Variants in DACH1 observed in about 807,000 individuals in gnomAD.
DACH1 encodes the protein dachshund homolog 1.
In DACH1, 12 loss-of-function variants were observed where a neutral mutation model predicts 54.2. The ratio of observed to expected loss-of-function variants is 0.22; its 90% CI spans 0.14 to 0.36. The LOEUF is 0.36. Ranked by LOEUF, DACH1 falls within the 10% of genes least tolerant of loss-of-function variation. DACH1 has a pLI of 1.00. For synonymous variants in DACH1, 386 were observed against 366.2 expected (o/e 1.05, Z -0.62); for missense variants, 805 against 929.8 (o/e 0.87, Z 1.75).
chr13:71,815,381 T>C (rs2138162630), intron 1 of DACH1, among the ~76,000 whole-genome samples: 1 of 152,212 alleles, frequency 6.6e-6, no homozygotes, highest in Non-Finnish European at 1.5e-5. Flanking sequence ...GTGTTATTCA[T>C]TATTACCATT....
At chr13:71,606,190 A>G (rs1417165949) in intron 3 of DACH1, among the ~76,000 whole-genome samples, 1 of 152,080 alleles carries the variant, frequency 6.6e-6, no homozygotes, top group Non-Finnish European at 1.5e-5. Flanking sequence ...ACACACATCT[A>G]CATCTATTTA....
chr13:71,723,068 C>G (rs968633286), intron 1 of DACH1, among the ~76,000 whole-genome samples: 29 of 151,958 alleles, frequency 1.9e-4, no homozygotes, highest in African/African-American at 7.0e-4. Flanking sequence ...AACCAGAAAC[C>G]GTTGTACATT....
intron 2 of DACH1, among the ~76,000 whole-genome samples, chr13:71,635,480 AG>A (rs1877418321): frequency 6.6e-6 from 1 of 152,202 alleles, no homozygotes; most frequent in Non-Finnish European, 1.5e-5. Context: ...TCCCAAACAA[AG>A]TTGCCTTAAA....
chr13:71,713,192 A>G (rs1882810499), intron 1 of DACH1, among the ~76,000 whole-genome samples: 1 of 151,870 alleles, frequency 6.6e-6, no homozygotes, highest in African/African-American at 2.4e-5. Flanking sequence ...TTGACCTAGC[A>G]GGGCAGGCTG....
At chr13:71,816,297 G>T (rs1472146194) in intron 1 of DACH1, among the ~76,000 whole-genome samples, 1 of 152,124 alleles carries the variant, frequency 6.6e-6, no homozygotes, top group African/African-American at 2.4e-5. Flanking sequence ...TCAGGGGCAT[G>T]TGACCCTTTA....
chr13:71,794,368 A>G (rs1462034557), intron 1 of DACH1, among the ~76,000 whole-genome samples: 1 of 152,210 alleles, frequency 6.6e-6, no homozygotes, highest in Non-Finnish European at 1.5e-5. Flanking sequence ...TCTCCACATC[A>G]AATATTCTGT....
intron 1 of DACH1, among the ~76,000 whole-genome samples, chr13:71,748,878 CTTTCTTTCTTTCTTTCTTTCTCTT>C (rs1566476657): frequency 0.027 from 533 of 19,572 alleles, 3 homozygotes; most frequent in Middle Eastern, 0.045. Context: ...TTCTTTCTTT[CTTTCTTTCTTTCTTTCTTTCTCTT>C]TCTTTCTTTC....
chr13:71,765,884 ATTT>A lies in DACH1; in HGVS notation c.849-83977_849-83975del, dbSNP rs10610275. Among the ~76,000 whole-genome samples the A allele has an allele frequency of 5.5e-3, 572 of 103,906 alleles. 4 individuals carry two copies. Among genetic ancestry groups the A allele is most frequent in the African/African-American group, 0.017 (464 of 27,854 alleles). 68.2% of individuals were successfully genotyped at this position (103,906 alleles called of 152,430 possible). On this transcript the variant is annotated intron_variant, in intron 1 of 10. Transcript: ENST00000613252. ...AAAAGGATTATTCTTCTTCTTCTTC[ATTT>A]TTTTTTTTTTTTTTTTTGAGACTGA... is the stretch of plus-strand genomic sequence containing the variant.
rs576162388 is a variant in DACH1, at chr13:71,450,910, CT to C, written c.2084-10219del. Among the ~76,000 whole-genome samples, 246 of 152,186 alleles carry C rather than the reference CT, an allele frequency of 1.6e-3. 2 individuals carry two copies. The highest frequency in any genetic ancestry group is 5.6e-3 in the African/African-American group (232 of 41,534). On this transcript the variant is annotated intron_variant, in intron 10 of 10. Transcript: ENST00000613252. ...GAGAGGGTATTAATGATATTCTAGTCTGTACTCAAGGATCTGCCCCAAATGG... is the reference window on the plus strand; with the variant it reads ...GAGAGGGTATTAATGATATTCTAGTCGTACTCAAGGATCTGCCCCAAATGG...
chr13:71,835,555 A>C (rs1364316109), intron 1 of DACH1, among the ~76,000 whole-genome samples: 1 of 152,032 alleles, frequency 6.6e-6, no homozygotes, highest in African/African-American at 2.4e-5. Flanking sequence ...CTCATCTCTA[A>C]GCTACTGGTG....
intron 3 of DACH1, among the ~76,000 whole-genome samples, chr13:71,622,893 C>T (rs1305895298): frequency 6.6e-6 from 1 of 151,584 alleles, no homozygotes; most frequent in Non-Finnish European, 1.5e-5. Flanking sequence ...GAAATCAAAA[C>T]AAAAACATTG....
Position 71,470,635 on chromosome 13 carries a change from G to C in DACH1, c.2083+4506C>G, listed in dbSNP as rs1876991845. ...AGCCACCGCACCCGGTCTAATTCTG[G>C]GTTTCTTAGGTCATCCATTTTTCCC... is the stretch of plus-strand genomic sequence containing the variant. On this transcript the variant is annotated intron_variant, in intron 10 of 10. Transcript: ENST00000613252. 3.3e-5 allele frequency among the ~76,000 whole-genome samples: 5 copies of C among 151,900 alleles called. No individual in the cohort carries two copies. In the South Asian group the frequency reaches 1.0e-3, roughly 32 times the overall value.
chr13:71,475,598 G>C, intron 9 of DACH1, 108 bp downstream of exon 9: 1 of 1,309,522 alleles, frequency 7.6e-7, no homozygotes, highest in African/African-American at 1.5e-5. Flanking sequence ...AAGTATAGCT[G>C]AATGAATCAC....
intron 1 of DACH1, among the ~76,000 whole-genome samples, chr13:71,773,161 C>A (rs1448847211): frequency 6.6e-6 from 1 of 151,756 alleles, no homozygotes; most frequent in African/African-American, 2.4e-5. Flanking sequence ...ATAGTTACAA[C>A]CATATTCATA....
intron 1 of DACH1, among the ~76,000 whole-genome samples, chr13:71,775,391 G>A: frequency 6.6e-6 from 1 of 151,650 alleles, no homozygotes; most frequent in Non-Finnish European, 1.5e-5. Flanking sequence ...AGACAAACCA[G>A]GTAATTAAGG....
At chr13:71,610,752 G>C (rs941883632) in intron 3 of DACH1, among the ~76,000 whole-genome samples, 1 of 152,082 alleles carries the variant, frequency 6.6e-6, no homozygotes. Context: ...CTAACACTTA[G>C]TAAACAAGAA....
At chr13:71,515,111 T>A (rs982694135) in intron 6 of DACH1, among the ~76,000 whole-genome samples, 1 of 151,944 alleles carries the variant, frequency 6.6e-6, no homozygotes, top group Non-Finnish European at 1.5e-5. Flanking sequence ...TTATGATATT[T>A]TTCCAGAATA....
intron 4 of DACH1, among the ~76,000 whole-genome samples, chr13:71,566,203 C>A (rs2138398458): frequency 6.6e-6 from 1 of 152,270 alleles, no homozygotes; most frequent in South Asian, 2.1e-4. Flanking sequence ...ATCTGCAGTT[C>A]CCTTGATGAG....
intron 1 of DACH1, among the ~76,000 whole-genome samples, chr13:71,789,854 A>G (rs749858945): frequency 5.3e-5 from 8 of 152,156 alleles, no homozygotes; most frequent in African/African-American, 1.4e-4. Flanking sequence ...CATCTGTAAC[A>G]ACAACAACAA....
Sources: allele counts gnomAD v4.1 joint callset (sites outside exome capture counted in the v4.1 genomes callset), GRCh38; gene constraint gnomAD v4.1.1; transcripts MANE v1.5; gene names NCBI Gene and HGNC (gene_info 2026-07-23, HGNC 2026-07-21).